The following CASP4 variants were observed in gnomAD, a reference collection of about 807,000 sequenced individuals.
The protein encoded by CASP4 is caspase-4.
Under a neutral mutation model 41.3 loss-of-function variants are expected in CASP4, and 29 were observed. The ratio of observed to expected loss-of-function variants is 0.70; its 90% CI spans 0.52 to 0.96. The LOEUF (loss-of-function observed/expected upper bound fraction) is 0.96, where lower values mean the gene tolerates loss of function less well. Among genes scored for constraint, CASP4 ranks in the 40% least tolerant of loss-of-function variants. The pLI is 0.00. For missense variants in CASP4, 447 were observed against 460.6 expected (o/e 0.97, Z 0.27); for synonymous variants, 185 against 158.4 (o/e 1.17, Z -1.26).
At chr11:104,955,546 T>C (rs184407026) in intron 1 of CASP4, among the ~76,000 whole-genome samples, 22 of 144,506 alleles carry the variant, frequency 1.5e-4, no homozygotes, top group Admixed American at 9.2e-4. Context: ...TAAAAGTACT[T>C]AATATGCTTG....
At chr11:104,953,209 G>A (rs2134643944) in intron 2 of CASP4, among the ~76,000 whole-genome samples, 1 of 152,112 alleles carries the variant, frequency 6.6e-6, no homozygotes, top group South Asian at 2.1e-4. Flanking sequence ...ATACACTCTA[G>A]GTACACTGGC....
At chr11:104,944,534 C>CTTGA (rs921883321) in intron 8 of CASP4, 15 of 492,056 alleles carry the variant, frequency 3.0e-5, no homozygotes, top group South Asian at 2.3e-4. Context: ...TCCTTACCTC[C>CTTGA]TTGATTGATT....
At chr11:104,945,003 C>T (rs1199529422) in intron 7 of CASP4, 152 bp from the exon 8 acceptor site, 1 of 625,146 alleles carries the variant, frequency 1.6e-6, no homozygotes, top group Non-Finnish European at 2.9e-6. Context: ...CAACATTGTA[C>T]CCTACCTCTT....
intron 5 of CASP4, 68 bp downstream of exon 5, chr11:104,949,475 A>G: frequency 1.3e-6 from 2 of 1,531,876 alleles, no homozygotes; most frequent in Non-Finnish European, 1.8e-6. Context: ...GCCCCTAAAT[A>G]TAAACCAAAC....
At chr11:104,964,782 A>G (rs1314263538) in intron 1 of CASP4, among the ~76,000 whole-genome samples, 1 of 152,180 alleles carries the variant, frequency 6.6e-6, no homozygotes, top group African/African-American at 2.4e-5. Context: ...GAGGAGAGGA[A>G]TTTACCCAAC....
chr11:104,962,849 A>G (rs474866), intron 1 of CASP4, among the ~76,000 whole-genome samples: 104,511 of 152,074 alleles, frequency 0.69, 36,425 homozygotes, highest in Middle Eastern at 0.89. Flanking sequence ...CTTCTGGAAC[A>G]ATTTCCTTCT....
intron 5 of CASP4, 86 bp from the exon 6 acceptor site, chr11:104,948,762 C>G: frequency 7.9e-7 from 1 of 1,267,602 alleles, no homozygotes; most frequent in Non-Finnish European, 1.1e-6. Context: ...TTTGAATGTT[C>G]ATTCTTACTA....
intron 1 of CASP4, among the ~76,000 whole-genome samples, chr11:104,963,180 T>C (rs527264807): frequency 6.6e-6 from 1 of 152,362 alleles, no homozygotes; most frequent in South Asian, 2.1e-4. Context: ...AAGACCTTTA[T>C]GTTTTTCTCT....
rs752966299 is a variant in CASP4, at chr11:104,949,646, T to C, written c.678A>G (p.Pro226=). 2.1e-5 allele frequency: 34 copies of C among 1,613,878 alleles called. No individual in the cohort carries two copies. Among genetic ancestry groups the C allele is most frequent in the South Asian group, 1.1e-4 (10 of 91,090 alleles). ...AGATGGTGTCATAAAGCAGCACATC[T>C]GGTTTTTTCTCATCATGCACAGTTC... The part of the protein sequence containing the change: ...ICGTVHDEKK[P]DVLLYDTIFQ... Residue 226 remains proline, a synonymous_variant, in exon 5 of 9, where the codon CCA becomes CCG. Coordinates refer to ENST00000444739, the MANE Select transcript of CASP4 (RefSeq NM_001225.4).
intron 3 of CASP4, chr11:104,951,432 A>G: frequency 3.9e-6 from 1 of 255,022 alleles, no homozygotes; most frequent in Non-Finnish European, 7.6e-6. Context: ...AAATGAATAC[A>G]GCAAAAGTCT....
At chr11:104,958,513 A>T (rs1277854430) in intron 1 of CASP4, among the ~76,000 whole-genome samples, 1 of 152,224 alleles carries the variant, frequency 6.6e-6, no homozygotes, top group Non-Finnish European at 1.5e-5. Context: ...GAATATGTAT[A>T]TGAAAAATGA....
chr11:104,951,263 G>A (rs780924828), intron 3 of CASP4, 165 bp from the exon 4 acceptor site: 29 of 514,508 alleles, frequency 5.6e-5, no homozygotes, highest in South Asian at 1.1e-4. Context: ...GGAAAGAACC[G>A]GACATATCTG....
chr11:104,951,548 T>C (rs974582952), intron 3 of CASP4: 2 of 324,404 alleles, frequency 6.2e-6, no homozygotes, highest in Admixed American at 4.4e-5. Context: ...GTCTAGACTT[T>C]TCAAGTAGAG....
chr11:104,943,141 C>T (rs1860365767), intron 8 of CASP4, 168 bp from the exon 9 acceptor site: 2 of 353,148 alleles, frequency 5.7e-6, no homozygotes, highest in Middle Eastern at 1.0e-3. Context: ...CTTTGTAAAA[C>T]CTAATTTAAA....
intron 4 of CASP4, 103 bp downstream of exon 4, chr11:104,950,822 A>ACACACACACC (rs112827503): frequency 5.2e-5 from 53 of 1,022,846 alleles, no homozygotes; most frequent in African/African-American, 4.4e-4. Context: ...ACACACACAC[A>ACACACACACC]CCCAAAGGTT....
chr11:104,951,832 G>T, intron 3 of CASP4, 64 bp downstream of exon 3: 1 of 1,031,814 alleles, frequency 9.7e-7, no homozygotes, highest in Non-Finnish European at 1.5e-6. Context: ...GTAAGAAATG[G>T]TGCACTGAAG....
chr11:104,967,294 C>G (rs1297516501), intron 1 of CASP4, among the ~76,000 whole-genome samples: 2 of 152,106 alleles, frequency 1.3e-5, no homozygotes, highest in African/African-American at 4.8e-5. Context: ...TGAAGTTAGA[C>G]ATAAACCCCG....
Position 104,947,079 on chromosome 11 carries a change from T to C in CASP4, c.1035+4A>G. ...AAATGAGTAACTAGAAAAGAGACAC[T>C]TACCTTCCGAAATACTTCCTCTAGG... On this transcript the variant is annotated splice_donor_region_variant and intron_variant, in intron 7 of 8. Coordinates refer to ENST00000444739, the MANE Select transcript of CASP4 (RefSeq NM_001225.4). 3 of 1,566,672 alleles carry C rather than the reference T, an allele frequency of 1.9e-6. No homozygotes were observed. Among genetic ancestry groups the C allele is most frequent in the East Asian group, 2.2e-5 (1 of 44,574 alleles).
intron 1 of CASP4, among the ~76,000 whole-genome samples, chr11:104,966,870 T>G (rs912510077): frequency 2.6e-5 from 4 of 152,196 alleles, no homozygotes; most frequent in South Asian, 2.1e-4. Flanking sequence ...AAGTATCCCC[T>G]TCAACTACAA....
Sources: gnomAD v4.1 joint callset for allele counts (sites outside exome capture counted in the v4.1 genomes callset) on GRCh38, gnomAD v4.1.1 for gene constraint, MANE v1.5 for transcripts, NCBI Gene and HGNC (gene_info 2026-07-23, HGNC 2026-07-21) for gene names.